The following CDC42BPA variants were observed in gnomAD, a reference collection of about 807,000 sequenced individuals.
CDC42BPA encodes the protein CDC42 binding protein kinase alpha.
CDC42BPA carries 80 observed loss-of-function variants against 223.5 expected under a neutral mutation model. The ratio of observed to expected loss-of-function variants is 0.36; its 90% confidence interval spans 0.30 to 0.43. The LOEUF is 0.43. CDC42BPA is among the 20% of genes least tolerant of loss of function. The pLI is 1.00. For synonymous variants in CDC42BPA, 694 were observed against 718.6 expected, an observed-to-expected ratio of 0.97 and a Z score of 0.55; for missense variants, 1,743 against 2,099.9, an observed-to-expected ratio of 0.83 and a Z score of 3.32.
intron 16 of CDC42BPA, among the ~76,000 whole-genome samples, chr1:227,084,689 G>A (rs766238657): frequency 2.0e-5 from 3 of 151,540 alleles, no homozygotes; most frequent in African/African-American, 7.3e-5. Context: ...GTTTCTTCTT[G>A]ATTACTCAAC....
chr1:227,126,452 A>G (rs1320549555), intron 11 of CDC42BPA, among the ~76,000 whole-genome samples: 1 of 146,062 alleles, frequency 6.8e-6, no homozygotes, highest in Non-Finnish European at 1.5e-5. Flanking sequence ...CAGAGAAAAC[A>G]GGCAGTACAA....
intron 2 of CDC42BPA, among the ~76,000 whole-genome samples, chr1:227,249,190 T>C (rs1452148331): frequency 6.6e-6 from 1 of 152,078 alleles, no homozygotes; most frequent in Non-Finnish European, 1.5e-5. Context: ...GAAAAGACAG[T>C]CTCTTCAATA....
chr1:227,293,812 A>G (rs1230320583), intron 1 of CDC42BPA, among the ~76,000 whole-genome samples: 2 of 152,150 alleles, frequency 1.3e-5, no homozygotes, highest in African/African-American at 4.8e-5. Flanking sequence ...ACTCCGCCTT[A>G]GAAAAACAAA....
chr1:227,201,773 GT>G (rs11304692), intron 3 of CDC42BPA, among the ~76,000 whole-genome samples: 83,768 of 146,418 alleles, frequency 0.57, 23,881 homozygotes, highest in South Asian at 0.67. Flanking sequence ...TGCTCTGTAA[GT>G]TTTTTTTTTT....
intron 5 of CDC42BPA, among the ~76,000 whole-genome samples, chr1:227,166,253 A>C (rs1558657813): frequency 1.3e-5 from 2 of 152,188 alleles, no homozygotes; most frequent in Non-Finnish European, 2.9e-5. Context: ...AAACTCTCCT[A>C]ACCTTCGAAA....
rs1689187602 is a variant in CDC42BPA, at chr1:227,288,637, A to C, written c.178+28368T>G. Reference sequence around the variant, plus strand: ...CTTGAACCCGGGAGGCGGGGGTTGCAGTGAGCCAAGACTGCACCATTTCAC... The same window carrying C: ...CTTGAACCCGGGAGGCGGGGGTTGCCGTGAGCCAAGACTGCACCATTTCAC... On this transcript the variant is annotated intron_variant, in intron 1 of 36. Transcript: ENST00000366766. Among the ~76,000 whole-genome samples, 6 of 152,074 alleles carry C rather than the reference A, an allele frequency of 3.9e-5. No individual in the cohort carries two copies. The South Asian group carries it at 1.2e-3, about 32-fold the overall frequency.
chr1:227,147,691 C>A (rs1047913767), intron 6 of CDC42BPA, 132 bp from the exon 7 acceptor site: 1 of 526,378 alleles, frequency 1.9e-6, no homozygotes, highest in East Asian at 3.0e-5. Context: ...TAATAATAAT[C>A]CTTGTATATA....
chr1:227,250,713 CAAAT>C (rs1419046993), intron 2 of CDC42BPA, among the ~76,000 whole-genome samples: 6 of 151,394 alleles, frequency 4.0e-5, no homozygotes, highest in African/African-American at 9.7e-5. Context: ...TATTTTCAGA[CAAAT>C]AAAATCAGAT....
intron 4 of CDC42BPA, among the ~76,000 whole-genome samples, chr1:227,198,478 A>AAAAG (rs1671146466): frequency 9.7e-5 from 9 of 92,542 alleles, no homozygotes; most frequent in Admixed American, 2.5e-4. Context: ...AAGAAAGAAA[A>AAAAG]AAAATGTTGC....
At chr1:227,295,949 A>T (rs911416326) in intron 1 of CDC42BPA, among the ~76,000 whole-genome samples, 1 of 152,232 alleles carries the variant, frequency 6.6e-6, no homozygotes, top group Non-Finnish European at 1.5e-5. Flanking sequence ...AACACAGTCA[A>T]TCGGGTTTTG....
At chr1:227,152,567 A>G (rs1661988542) in intron 6 of CDC42BPA, among the ~76,000 whole-genome samples, 1 of 152,194 alleles carries the variant, frequency 6.6e-6, no homozygotes, top group African/African-American at 2.4e-5. Flanking sequence ...CTTCCAAACA[A>G]AGAGAAATTT....
chr1:227,175,985 A>G (rs1475592428), intron 5 of CDC42BPA, among the ~76,000 whole-genome samples: 1 of 152,140 alleles, frequency 6.6e-6, no homozygotes, highest in Non-Finnish European at 1.5e-5. Flanking sequence ...AATACTGCAG[A>G]AGTTCATACT....
chr1:227,055,544 A>G (rs1674371506), intron 21 of CDC42BPA, among the ~76,000 whole-genome samples: 2 of 152,150 alleles, frequency 1.3e-5, no homozygotes, highest in Non-Finnish European at 2.9e-5. Context: ...TATAGCAGCA[A>G]AGCAACTGAT....
chr1:227,138,347 T>G lies in CDC42BPA; in HGVS notation c.1390+1229A>C, dbSNP rs77888312. 6.4e-3 allele frequency among the ~76,000 whole-genome samples: 975 copies of G among 152,068 alleles called. 7 individuals carry two copies. Among genetic ancestry groups the G allele is most frequent in the Non-Finnish European group, 9.8e-3 (665 of 67,924 alleles). On this transcript the variant is annotated intron_variant, in intron 10 of 36. Transcript: ENST00000366766. ...TGGGGATATATATATGATTAAATTATAAATAGGATGGTCAGGAAAACCTTC... is the reference window on the plus strand; with the variant it reads ...TGGGGATATATATATGATTAAATTAGAAATAGGATGGTCAGGAAAACCTTC...
At chr1:227,163,998 A>C (rs1344269576) in intron 5 of CDC42BPA, among the ~76,000 whole-genome samples, 1 of 152,140 alleles carries the variant, frequency 6.6e-6, no homozygotes, top group Non-Finnish European at 1.5e-5. Context: ...CATACGTCAT[A>C]AATTTAGTGG....
At chr1:227,226,140 C>G (rs1676828901) in intron 2 of CDC42BPA, among the ~76,000 whole-genome samples, 1 of 152,152 alleles carries the variant, frequency 6.6e-6, no homozygotes, top group Non-Finnish European at 1.5e-5. Flanking sequence ...TGCAATTGGC[C>G]TGGATGCCCA....
intron 23 of CDC42BPA, among the ~76,000 whole-genome samples, chr1:227,040,962 TAATA>T (rs1558352912): frequency 1.3e-5 from 2 of 152,330 alleles, no homozygotes; most frequent in Admixed American, 6.5e-5. Context: ...AAATGATGTA[TAATA>T]AATAACCTTT....
intron 6 of CDC42BPA, among the ~76,000 whole-genome samples, chr1:227,147,860 C>T (rs1302169528): frequency 4.0e-5 from 6 of 150,872 alleles, no homozygotes. Context: ...GTTTAGAACA[C>T]TCATTATTGA....
At chr1:227,074,184 T>G in intron 18 of CDC42BPA, 75 bp downstream of exon 18, 1 of 1,346,170 alleles carries the variant, frequency 7.4e-7, no homozygotes, top group Non-Finnish European at 1.0e-6. Flanking sequence ...TATAAGTAAT[T>G]GGATTTATTA....
Sources: gnomAD v4.1 joint callset for allele counts (sites outside exome capture counted in the v4.1 genomes callset) on GRCh38, gnomAD v4.1.1 for gene constraint, MANE v1.5 for transcripts, NCBI Gene and HGNC (gene_info 2026-07-23, HGNC 2026-07-21) for gene names.